The following OAS3 variants were observed in gnomAD, a reference collection of about 807,000 sequenced individuals.
The protein encoded by OAS3 is 2'-5'-oligoadenylate synthase 3.
OAS3 carries 107 observed loss-of-function variants against 113.0 expected under a neutral mutation model. The ratio of observed to expected loss-of-function variants is 0.95; its 90% CI spans 0.81 to 1.11. OAS3 has a LOEUF of 1.11. Ranked by LOEUF, OAS3 falls within the 50% of genes most tolerant of loss-of-function variation. The pLI, the probability that OAS3 is intolerant of heterozygous loss-of-function variation, is 0.00. For missense variants in OAS3, 1,258 were observed against 1,389.1 expected, an observed-to-expected ratio of 0.91 and a Z score of 1.50; for synonymous variants, 552 against 573.6, an observed-to-expected ratio of 0.96 and a Z score of 0.54.
intron 7 of OAS3, among the ~76,000 whole-genome samples, chr12:112,958,502 G>A (rs968406353): frequency 3.9e-5 from 6 of 152,224 alleles, no homozygotes; most frequent in Non-Finnish European, 7.3e-5. Flanking sequence ...TTTGATGATG[G>A]TGACGTACAG....
intron 7 of OAS3, among the ~76,000 whole-genome samples, chr12:112,956,483 A>C (rs2043837337): frequency 6.6e-6 from 1 of 152,088 alleles, no homozygotes; most frequent in Admixed American, 6.5e-5. Flanking sequence ...TAATGCTATA[A>C]ATTTCCCTCT....
rs2043652730 is a variant in OAS3 at position 112,938,705 on chromosome 12, A to G, written c.175A>G (p.Lys59Glu). ...TGCCCCGCGGGTGCTGAAAACTGTC[A>G]AGGTGAGGTCCCACCTCGGGGTCTT... ...AAAPRVLKTVKGGSSGRGTAL... is the reference protein window; with the variant it reads ...AAAPRVLKTVEGGSSGRGTAL... The change falls in exon 1 of 16, where the codon AAG becomes GAG. Residue 59 changes from lysine to glutamate, a missense_variant and splice_region_variant. Coordinates refer to ENST00000228928, the MANE Select transcript of OAS3 (RefSeq NM_006187.4). The G allele has an allele frequency of 1.3e-6, 2 of 1,552,492 alleles. No individual in the cohort carries two copies. Among genetic ancestry groups the G allele is most frequent in the Non-Finnish European group, 1.7e-6 (2 of 1,151,412 alleles).
intron 7 of OAS3, 85 bp downstream of exon 7, chr12:112,951,060 T>A (rs1370918538): frequency 2.3e-5 from 31 of 1,351,310 alleles, no homozygotes; most frequent in Non-Finnish European, 2.6e-5. Flanking sequence ...CTCTTTGTGA[T>A]CCTAATTCTC....
At chr12:112,957,435 G>A (rs948753235) in intron 7 of OAS3, among the ~76,000 whole-genome samples, 9 of 152,142 alleles carry the variant, frequency 5.9e-5, no homozygotes, top group African/African-American at 2.2e-4. Context: ...TAGCATCGAT[G>A]GTCTTTACAA....
At chr12:112,958,208 T>C (rs1329800052) in intron 7 of OAS3, among the ~76,000 whole-genome samples, 1 of 152,264 alleles carries the variant, frequency 6.6e-6, no homozygotes, top group Non-Finnish European at 1.5e-5. Context: ...AGGTCTTTTC[T>C]ATGCTGTTCA....
intron 11 of OAS3, among the ~76,000 whole-genome samples, chr12:112,965,114 A>G (rs1403995521): frequency 1.3e-5 from 2 of 152,238 alleles, no homozygotes; most frequent in Non-Finnish European, 2.9e-5. Flanking sequence ...GCCTCAGTCC[A>G]CAGTTGGAGA....
At chr12:112,962,584 A>T in intron 8 of OAS3, 68 bp from the exon 9 acceptor site, 1 of 1,555,510 alleles carries the variant, frequency 6.4e-7, no homozygotes, top group African/African-American at 1.4e-5. Context: ...TCCTGCCCCA[A>T]GTGCTTATGG....
At position 112,972,489 on chromosome 12, in the gene OAS3, A is replaced by G. The variant is rs899205684; in HGVS notation, c.*2516A>G. The G allele has an allele frequency of 6.6e-6, 1 of 152,216 alleles. No homozygotes were observed. Among genetic ancestry groups the G allele is most frequent in the Non-Finnish European group, 1.5e-5 (1 of 68,044 alleles). 9.4% of individuals were successfully genotyped at this position (152,216 alleles called of 1,614,324 possible). The stretch of plus-strand genomic sequence containing the variant: ...TAATGGTCACCCTAAAAACACCCAC[A>G]TATGCTTTTCGATGGAACCAGGTAA... On this transcript the variant is annotated 3_prime_UTR_variant, in exon 16 of 16. Coordinates refer to ENST00000228928, the MANE Select transcript of OAS3 (RefSeq NM_006187.4).
rs777544907 is a variant in OAS3, at chr12:112,950,915, G to T, written c.1597G>T (p.Val533Leu). Residue 533 changes from valine to leucine, a missense_variant, in exon 7 of 16, where the codon GTG becomes TTG. Transcript: ENST00000228928. ...NVPEALQFQL[V>L]STALKSWTDV... ...GCCTGAGGCTCTGCAGTTCCAGCTGGTGTCCACAGCCCTGAAGAGCTGGAC... is the reference window on the plus strand; with the variant it reads ...GCCTGAGGCTCTGCAGTTCCAGCTGTTGTCCACAGCCCTGAAGAGCTGGAC... 1 of 1,613,986 alleles carries T rather than the reference G, an allele frequency of 6.2e-7. No individual in the cohort carries two copies. The highest frequency in any genetic ancestry group is 1.1e-5 in the South Asian group (1 of 91,084).
chr12:112,938,735 T>A (rs2043652983), intron 1 of OAS3, 28 bp downstream of exon 1: 1 of 1,061,966 alleles, frequency 9.4e-7, no homozygotes, highest in Middle Eastern at 2.7e-4. Context: ...GGTCTTTATG[T>A]GTCCAAAGGG....
chr12:112,950,960 G>A lies in OAS3; in HGVS notation c.1642G>A (p.Ala548Thr). The A allele has an allele frequency of 6.2e-7, 1 of 1,612,972 alleles. No individual in the cohort carries two copies. The change falls in exon 7 of 16, where the codon GCC becomes ACC. Residue 548 changes from alanine (A) to threonine (T), a missense_variant. By Grantham distance (58) the Ala-to-Thr change is moderately conservative. Coordinates refer to ENST00000228928, the MANE Select transcript of OAS3 (RefSeq NM_006187.4). Reference protein sequence around the residue: ...KSWTDVSLLPAFDAVGQLSSG... With the variant: ...KSWTDVSLLPTFDAVGQLSSG... ...CTGGACGGATGTTAGCCTGCTGCCT[G>A]CCTTCGATGCTGTGGGTGAGGGCGC...
intron 1 of OAS3, among the ~76,000 whole-genome samples, chr12:112,939,395 C>T (rs1338393598): frequency 4.1e-5 from 6 of 147,756 alleles, no homozygotes; most frequent in Non-Finnish European, 8.9e-5. Context: ...TCTTGGCTCA[C>T]AGCAACCTCC....
chr12:112,964,243 C>T lies in OAS3; in HGVS notation c.2238C>T (p.Leu746=), dbSNP rs1420056134. Residue 746 remains leucine (L), a synonymous_variant, in exon 11 of 16, where the codon CTC becomes CTT. Transcript: ENST00000228928. ...SVQPWDVMPA[L]LYQTPAGDLD... is the part of the protein sequence containing the mutation. Reference sequence around the variant, plus strand: ...CTGGATTCTCTCTGCAGCCAGCCCTCCTTTACCAAACCCCAGCTGGGGACC... The same window carrying T: ...CTGGATTCTCTCTGCAGCCAGCCCTTCTTTACCAAACCCCAGCTGGGGACC... 9 of 1,589,732 alleles carry T rather than the reference C, an allele frequency of 5.7e-6. No individual in the cohort carries two copies. The highest frequency in any genetic ancestry group is 4.6e-5 in the South Asian group (4 of 86,724).
intron 6 of OAS3, among the ~76,000 whole-genome samples, chr12:112,950,384 G>C (rs928476631): frequency 6.6e-6 from 1 of 152,236 alleles, no homozygotes; most frequent in Non-Finnish European, 1.5e-5. Flanking sequence ...AGATGCTGCA[G>C]ATAGTAGGCT....
chr12:112,941,226 C>T (rs1423489716), intron 1 of OAS3, among the ~76,000 whole-genome samples: 1 of 152,022 alleles, frequency 6.6e-6, no homozygotes, highest in African/African-American at 2.4e-5. Flanking sequence ...ACTAGCCAGG[C>T]ATGGTAGCGT....
At chr12:112,944,866 G>C (rs1397577384) in intron 3 of OAS3, 2 of 582,902 alleles carry the variant, frequency 3.4e-6, no homozygotes, top group Non-Finnish European at 6.1e-6. Context: ...TCCTTATTTA[G>C]TTAATATAAT....
chr12:112,949,629 A>G (rs1225589642), intron 6 of OAS3, among the ~76,000 whole-genome samples: 1 of 151,874 alleles, frequency 6.6e-6, no homozygotes, highest in East Asian at 1.9e-4. Flanking sequence ...CTCTTCCCCA[A>G]CCATTTGGCT....
chr12:112,970,237 G>T lies in OAS3; in HGVS notation c.*264G>T. ...ACCAGCCTGCGTTTGCAGCTTCTCT[G>T]TCACTTCCATGACTCTATCCTCATA... On this transcript the variant is annotated 3_prime_UTR_variant, in exon 16 of 16. Transcript: ENST00000228928. 1.1e-5 allele frequency: 6 copies of T among 564,744 alleles called. No homozygotes were observed. The allele number at this position is 564,744 out of a possible 1,614,324, so 35.0% of individuals were successfully genotyped here. A position where few individuals can be genotyped will look rare whatever the true frequency, so the allele number is the denominator to read the frequency against.
chr12:112,949,057 C>G lies in OAS3; in HGVS notation c.1226C>G (p.Ser409Cys). Residue 409 changes from serine to cysteine, a missense_variant, in exon 6 of 16, where the codon TCT (serine) becomes TGT (cysteine). Physicochemically the swap from Ser to Cys is moderately radical, Grantham distance 112 (BLOSUM62 -1). Coordinates refer to ENST00000228928, the MANE Select transcript of OAS3 (RefSeq NM_006187.4). ...GTGCCGGGAATGGCCTTGGACCTGT[C>G]TCAGATCCCCACCAAGGAGCTGGAC... ...PSVPGMALDL[S>C]QIPTKELDRF... 1 of 1,614,046 alleles carries G rather than the reference C, an allele frequency of 6.2e-7. No homozygotes were observed. The highest frequency in any genetic ancestry group is 8.5e-7 in the Non-Finnish European group (1 of 1,179,900).
Sources: gnomAD v4.1 joint callset for allele counts (sites outside exome capture counted in the v4.1 genomes callset) on GRCh38, gnomAD v4.1.1 for gene constraint, MANE v1.5 for transcripts, NCBI Gene and HGNC (gene_info 2026-07-23, HGNC 2026-07-21) for gene names.